KIAA1549: variants seen among roughly 807,000 people sequenced by gnomAD.
The protein encoded by KIAA1549 is UPF0606 protein KIAA1549.
A neutral mutation model predicts 156.4 loss-of-function variants in KIAA1549; 70 were observed. The observed-to-expected ratio is 0.45, with a 90% confidence interval of 0.37 to 0.55. The LOEUF is 0.55. Among genes scored for constraint, KIAA1549 ranks in the 20% least tolerant of loss-of-function variants. The pLI is 0.00. For synonymous variants in KIAA1549, 1,103 were observed against 1,066.4 expected, an observed-to-expected ratio of 1.03 and a Z score of -0.67; for missense variants, 2,428 against 2,540.9, an observed-to-expected ratio of 0.96 and a Z score of 0.96.
intron 1 of KIAA1549, among the ~76,000 whole-genome samples, chr7:138,976,192 T>G (rs1417616469): frequency 6.6e-6 from 1 of 152,164 alleles, no homozygotes; most frequent in Non-Finnish European, 1.5e-5. Flanking sequence ...TTCTCCTGCC[T>G]CACCCTCCCA....
At chr7:138,890,291 G>GGGTTAGC (rs1275245709) in intron 10 of KIAA1549, among the ~76,000 whole-genome samples, 2 of 152,210 alleles carry the variant, frequency 1.3e-5, no homozygotes, top group African/African-American at 2.4e-5. Context: ...CACAGTATTC[G>GGGTTAGC]GGTTAGCCTG....
At chr7:138,948,401 C>G (rs1405115865) in intron 1 of KIAA1549, among the ~76,000 whole-genome samples, 1 of 152,068 alleles carries the variant, frequency 6.6e-6, no homozygotes, top group Non-Finnish European at 1.5e-5. Flanking sequence ...CCCAGGCTAG[C>G]CAGACAAACA....
At chr7:138,889,752 T>C (rs115693600) in intron 10 of KIAA1549, among the ~76,000 whole-genome samples, 347 of 152,332 alleles carry the variant, frequency 2.3e-3, no homozygotes, top group African/African-American at 7.8e-3. Flanking sequence ...TCACCTTCTA[T>C]ACCAATAGAA....
chr7:138,840,741 G>C (rs991655523), intron 18 of KIAA1549, among the ~76,000 whole-genome samples: 1 of 152,006 alleles, frequency 6.6e-6, no homozygotes, highest in Non-Finnish European at 1.5e-5. Context: ...ACTTCTACCA[G>C]CCCATCAGAA....
intron 1 of KIAA1549, among the ~76,000 whole-genome samples, chr7:138,971,073 C>T (rs777067693): frequency 7.2e-5 from 11 of 152,304 alleles, no homozygotes; most frequent in East Asian, 1.9e-4. Flanking sequence ...ACCCCAGGAC[C>T]GCTGTGGCCT....
chr7:138,932,139 T>C (rs1812890985), intron 1 of KIAA1549, among the ~76,000 whole-genome samples: 4 of 152,230 alleles, frequency 2.6e-5, no homozygotes, highest in South Asian at 2.1e-4. Flanking sequence ...TTTCAGAGAA[T>C]AGGCCATGCT....
At chr7:138,951,420 T>C (rs1194922261) in intron 1 of KIAA1549, among the ~76,000 whole-genome samples, 1 of 152,170 alleles carries the variant, frequency 6.6e-6, no homozygotes, top group Non-Finnish European at 1.5e-5. Flanking sequence ...CACTATTTCT[T>C]TTCCCTTCCC....
At chr7:138,864,324 A>G (rs1393324486) in intron 15 of KIAA1549, among the ~76,000 whole-genome samples, 2 of 152,164 alleles carry the variant, frequency 1.3e-5, no homozygotes, top group East Asian at 1.9e-4. Context: ...CTAAACTTCT[A>G]TACCGAGAGA....
At chr7:138,954,885 G>A (rs1169476547) in intron 1 of KIAA1549, among the ~76,000 whole-genome samples, 1 of 152,170 alleles carries the variant, frequency 6.6e-6, no homozygotes, top group African/African-American at 2.4e-5. Flanking sequence ...AGGGGCATCT[G>A]GAAGGGGGAC....
At chr7:138,866,490 C>A (rs1318421378) in intron 15 of KIAA1549, among the ~76,000 whole-genome samples, 2 of 152,174 alleles carry the variant, frequency 1.3e-5, no homozygotes, top group Non-Finnish European at 2.9e-5. Flanking sequence ...TTTTTGCTAA[C>A]GTGTCTCTAA....
At chr7:138,843,661 C>A (rs1809986674) in intron 18 of KIAA1549, among the ~76,000 whole-genome samples, 1 of 152,080 alleles carries the variant, frequency 6.6e-6, no homozygotes, top group Non-Finnish European at 1.5e-5. Flanking sequence ...AAAATTAATA[C>A]ATCTGAATTT....
intron 17 of KIAA1549, among the ~76,000 whole-genome samples, chr7:138,849,543 T>A (rs548101808): frequency 6.6e-6 from 1 of 152,080 alleles, no homozygotes; most frequent in Non-Finnish European, 1.5e-5. Flanking sequence ...TGCAAACACA[T>A]AGAAATTTTC....
At chr7:138,975,797 G>A (rs1284465983) in intron 1 of KIAA1549, among the ~76,000 whole-genome samples, 1 of 152,202 alleles carries the variant, frequency 6.6e-6, no homozygotes. Flanking sequence ...AATCAACCTA[G>A]TGTAATTATA....
Position 138,917,887 on chromosome 7 carries a change from G to A in KIAA1549, c.1739C>T (p.Ser580Leu), listed in dbSNP as rs374265964. Residue 580 changes from serine to leucine, a missense_variant, in exon 2 of 20, where the codon TCG becomes TTG. Ser to Leu is a moderately radical substitution (Grantham distance 145, BLOSUM62 -2). Around this residue, in one of 5 missense-constraint regions of KIAA1549, gnomAD observed 893 missense variants for 847.9 expected, o/e 1.05. Coordinates refer to ENST00000422774, the MANE Select transcript of KIAA1549 (RefSeq NM_001164665.2). Reference protein sequence around the residue: ...FSVIANKNTPSLAVRDPSVFT... With the variant: ...FSVIANKNTPLLAVRDPSVFT... ...AACACTCGGGTCTCTGACGGCAAGC[G>A]ACGGTGTGTTTTTGTTTGCTATGAC... is the stretch of plus-strand genomic sequence containing the variant. 2.6e-5 allele frequency: 41 copies of A among 1,603,544 alleles called. No individual in the cohort carries two copies. The African/African-American group carries it at 3.9e-4, about 15-fold the overall frequency.
intron 1 of KIAA1549, among the ~76,000 whole-genome samples, chr7:138,934,462 G>A (rs1225352088): frequency 6.6e-6 from 1 of 151,770 alleles, no homozygotes; most frequent in African/African-American, 2.4e-5. Context: ...GAGTGGTTGA[G>A]GGATGGGGCG....
chr7:138,892,563 C>A (rs1035919788), intron 10 of KIAA1549, among the ~76,000 whole-genome samples: 1 of 152,148 alleles, frequency 6.6e-6, no homozygotes, highest in Admixed American at 6.6e-5. Context: ...ACAAAAGAAC[C>A]TTAGCAGACT....
chr7:138,850,124 A>G (rs1395228716), intron 17 of KIAA1549, among the ~76,000 whole-genome samples: 1 of 152,282 alleles, frequency 6.6e-6, no homozygotes, highest in Admixed American at 6.5e-5. Flanking sequence ...TTTTTTTAAC[A>G]TCAATTAAAT....
chr7:138,910,397 CTTT>C (rs200459041), intron 4 of KIAA1549, among the ~76,000 whole-genome samples: 24 of 130,980 alleles, frequency 1.8e-4, no homozygotes, highest in African/African-American at 2.6e-4. Flanking sequence ...TTCTTAAATT[CTTT>C]TTTTTTTTTT....
chr7:138,882,970 G>A (rs1317820998), intron 10 of KIAA1549, among the ~76,000 whole-genome samples: 1 of 151,732 alleles, frequency 6.6e-6, no homozygotes, highest in South Asian at 2.1e-4. Flanking sequence ...GCTATTTGTT[G>A]GCTGGGCACG....
Sources: gnomAD v4.1 joint callset for allele counts (sites outside exome capture counted in the v4.1 genomes callset) on GRCh38, gnomAD v4.1.1 for gene constraint, gnomAD v4.1.1 regional missense constraint, MANE v1.5 for transcripts, NCBI Gene and HGNC (gene_info 2026-07-23, HGNC 2026-07-21) for gene names.